Variants in TM9SF2 observed in about 807,000 individuals in gnomAD.
TM9SF2 encodes the protein 76 kDa membrane protein.
A neutral mutation model predicts 84.9 loss-of-function variants in TM9SF2; 13 were observed. The ratio of observed to expected loss-of-function variants is 0.15; its 90% CI spans 0.10 to 0.24. The LOEUF is 0.24. Ranked by LOEUF, TM9SF2 falls within the 10% of genes least tolerant of loss-of-function variation. The pLI is 1.00. For missense variants in TM9SF2, 562 were observed against 818.5 expected (o/e 0.69, Z 3.82); for synonymous variants, 273 against 285.8 (o/e 0.96, Z 0.45).
intron 12 of TM9SF2, among the ~76,000 whole-genome samples, chr13:99,551,390 T>C (rs572950630): frequency 1.6e-4 from 25 of 152,364 alleles, no homozygotes; most frequent in African/African-American, 6.0e-4. Context: ...TAAGTGATGC[T>C]GGGACAGCTG....
chr13:99,532,209 G>A (rs1351660067), intron 4 of TM9SF2, among the ~76,000 whole-genome samples: 2 of 151,448 alleles, frequency 1.3e-5, no homozygotes, highest in Non-Finnish European at 1.5e-5. Context: ...CCGCCACCAT[G>A]CCGGCTAATT....
intron 3 of TM9SF2, among the ~76,000 whole-genome samples, chr13:99,521,074 C>T (rs571825532): frequency 6.6e-6 from 1 of 151,968 alleles, no homozygotes; most frequent in Non-Finnish European, 1.5e-5. Context: ...ATCTGTTCTC[C>T]TACTGTACAA....
At chr13:99,562,638 A>G (rs1566575884) in intron 16 of TM9SF2, 53 bp from the exon 17 acceptor site, 4 of 1,559,610 alleles carry the variant, frequency 2.6e-6, no homozygotes, top group South Asian at 2.3e-5. Context: ...ATTTTTGTGT[A>G]AAGTATGAAA....
intron 4 of TM9SF2, among the ~76,000 whole-genome samples, chr13:99,532,341 C>T (rs76088922): frequency 0.096 from 14,525 of 152,036 alleles, 834 homozygotes; most frequent in East Asian, 0.21. Flanking sequence ...TGAGCCACCG[C>T]GCCCGGCCTT....
intron 16 of TM9SF2, among the ~76,000 whole-genome samples, chr13:99,560,807 G>A (rs974599905): frequency 6.6e-5 from 10 of 151,920 alleles, no homozygotes; most frequent in Admixed American, 4.6e-4. Flanking sequence ...TCAGCCTCCC[G>A]AGTAGCTGGG....
intron 1 of TM9SF2, among the ~76,000 whole-genome samples, chr13:99,502,119 A>C (rs2139063882): frequency 6.6e-6 from 1 of 152,338 alleles, no homozygotes; most frequent in South Asian, 2.1e-4. Context: ...GGATGTATGC[A>C]GGTCCACGCG....
chr13:99,539,167 A>G (rs1566569791), intron 6 of TM9SF2, among the ~76,000 whole-genome samples: 2 of 151,088 alleles, frequency 1.3e-5, no homozygotes, highest in African/African-American at 4.9e-5. Context: ...CTGTGATGGC[A>G]CCACCGCACT....
At chr13:99,539,789 A>T (rs544765047) in intron 7 of TM9SF2, among the ~76,000 whole-genome samples, 2 of 152,312 alleles carry the variant, frequency 1.3e-5, no homozygotes, top group African/African-American at 4.8e-5. Flanking sequence ...AGTGTTAAGC[A>T]TAAGAGATAC....
chr13:99,512,428 A>G (rs2046117410), intron 1 of TM9SF2, among the ~76,000 whole-genome samples: 1 of 152,200 alleles, frequency 6.6e-6, no homozygotes, highest in South Asian at 2.1e-4. Context: ...CTGCTTCATC[A>G]GATCAGGAAG....
intron 1 of TM9SF2, among the ~76,000 whole-genome samples, chr13:99,502,333 A>G (rs990561588): frequency 1.3e-5 from 2 of 152,240 alleles, no homozygotes; most frequent in Admixed American, 1.3e-4. Flanking sequence ...CTTCACAATT[A>G]GAAGTTGGTT....
intron 2 of TM9SF2, among the ~76,000 whole-genome samples, chr13:99,519,799 A>T (rs374313776): frequency 1.2e-4 from 19 of 152,246 alleles, no homozygotes; most frequent in African/African-American, 4.3e-4. Context: ...ATATTGTAAT[A>T]TGCATTCTAA....
chr13:99,520,262 T>C, intron 3 of TM9SF2, 133 bp downstream of exon 3: 1 of 700,190 alleles, frequency 1.4e-6, no homozygotes, highest in Admixed American at 3.1e-5. Flanking sequence ...GAATAGGTTC[T>C]TAAAATCAAA....
chr13:99,553,938 C>T (rs1248843493), intron 13 of TM9SF2, among the ~76,000 whole-genome samples: 1 of 152,194 alleles, frequency 6.6e-6, no homozygotes, highest in Non-Finnish European at 1.5e-5. Flanking sequence ...AATTCCAGAA[C>T]CAGCTGATTT....
At chr13:99,561,226 A>T (rs1353590274) in intron 16 of TM9SF2, among the ~76,000 whole-genome samples, 1 of 152,244 alleles carries the variant, frequency 6.6e-6, no homozygotes, top group Non-Finnish European at 1.5e-5. Flanking sequence ...TCAGTACTCC[A>T]GAGCAATGCC....
chr13:99,537,237 G>A (rs1051227849), intron 5 of TM9SF2, among the ~76,000 whole-genome samples: 1 of 152,122 alleles, frequency 6.6e-6, no homozygotes, highest in East Asian at 1.9e-4. Context: ...TGTGTAATCA[G>A]ATCAACCTGA....
intron 4 of TM9SF2, among the ~76,000 whole-genome samples, chr13:99,530,283 G>C (rs1039838968): frequency 6.6e-6 from 1 of 152,232 alleles, no homozygotes; most frequent in East Asian, 1.9e-4. Flanking sequence ...AATTAGCCAG[G>C]TGTGGTGATG....
intron 15 of TM9SF2, among the ~76,000 whole-genome samples, chr13:99,557,045 A>G (rs2046327725): frequency 6.6e-6 from 1 of 152,178 alleles, no homozygotes; most frequent in Non-Finnish European, 1.5e-5. Flanking sequence ...TTTGAGGTAT[A>G]TATCTAGGAG....
At chr13:99,525,231 A>T (rs891210624) in intron 3 of TM9SF2, among the ~76,000 whole-genome samples, 2 of 146,612 alleles carry the variant, frequency 1.4e-5, no homozygotes, top group Admixed American at 1.4e-4. Flanking sequence ...TGGTTCAAAG[A>T]GGACTGTTTG....
chr13:99,507,850 G>A (rs969544876), intron 1 of TM9SF2, among the ~76,000 whole-genome samples: 1 of 152,164 alleles, frequency 6.6e-6, no homozygotes, highest in Admixed American at 6.5e-5. Context: ...TGAAAATCCA[G>A]TTGTAAGTGT....
Sources: allele counts gnomAD v4.1 joint callset (sites outside exome capture counted in the v4.1 genomes callset), GRCh38; gene constraint gnomAD v4.1.1; transcripts MANE v1.5; gene names NCBI Gene and HGNC (gene_info 2026-07-23, HGNC 2026-07-21).